IGSF11: variants seen among roughly 807,000 people sequenced by gnomAD.
IGSF11 encodes immunoglobulin superfamily member 11, also known as CXADR like 1.
Under a neutral mutation model 41.0 loss-of-function variants are expected in IGSF11, and 22 were observed. That is an observed-to-expected ratio of 0.54 (90% CI 0.38 to 0.77). The LOEUF is 0.77. IGSF11 is among the 30% of genes least tolerant of loss of function. The pLI, the probability that IGSF11 is intolerant of heterozygous loss-of-function variation, is 0.00. For synonymous variants in IGSF11, 219 were observed against 201.3 expected, an observed-to-expected ratio of 1.09 and a Z score of -0.74; for missense variants, 444 against 530.8, an observed-to-expected ratio of 0.84 and a Z score of 1.61.
intron 1 of IGSF11, among the ~76,000 whole-genome samples, chr3:119,045,052 C>T (rs1941268272): frequency 6.6e-6 from 1 of 152,172 alleles, no homozygotes; most frequent in South Asian, 2.1e-4. Flanking sequence ...CCTCACATCT[C>T]AATACTAACA....
At chr3:119,029,925 C>G (rs945749404) in intron 1 of IGSF11, among the ~76,000 whole-genome samples, 16 of 152,074 alleles carry the variant, frequency 1.1e-4, no homozygotes, top group African/African-American at 3.9e-4. Context: ...CTTTCCAATC[C>G]CACAAATCTA....
At chr3:118,924,433 A>G (rs1020335836) in intron 4 of IGSF11, among the ~76,000 whole-genome samples, 1 of 152,174 alleles carries the variant, frequency 6.6e-6, no homozygotes, top group African/African-American at 2.4e-5. Context: ...GATCAACTTT[A>G]TTAATATGGG....
At chr3:119,132,491 A>C (rs1255931852) in intron 1 of IGSF11, among the ~76,000 whole-genome samples, 2 of 151,896 alleles carry the variant, frequency 1.3e-5, no homozygotes, top group Non-Finnish European at 2.9e-5. Context: ...ATTGCGTAAT[A>C]TTAAAGGGAT....
intron 1 of IGSF11, among the ~76,000 whole-genome samples, chr3:119,074,828 G>A (rs957467514): frequency 6.6e-6 from 1 of 151,970 alleles, no homozygotes; most frequent in Non-Finnish European, 1.5e-5. Context: ...CTCCAGCCTG[G>A]GCGACAGAGC....
intron 1 of IGSF11, among the ~76,000 whole-genome samples, chr3:118,967,716 T>C (rs1945782541): frequency 6.6e-6 from 1 of 152,198 alleles, no homozygotes; most frequent in Non-Finnish European, 1.5e-5. Flanking sequence ...ACCCTGTGCC[T>C]TTTCTTCTCT....
chr3:118,963,184 T>C (rs1433951619), intron 1 of IGSF11, among the ~76,000 whole-genome samples: 2 of 152,208 alleles, frequency 1.3e-5, no homozygotes, highest in African/African-American at 4.8e-5. Flanking sequence ...CTACTTCAGA[T>C]ACTCAAATCA....
At chr3:119,072,582 C>G (rs1371460144) in intron 1 of IGSF11, among the ~76,000 whole-genome samples, 4 of 152,168 alleles carry the variant, frequency 2.6e-5, no homozygotes, top group Non-Finnish European at 5.9e-5. Context: ...GTCTCGCTGG[C>G]TTCAGGAGTG....
intron 1 of IGSF11, among the ~76,000 whole-genome samples, chr3:119,084,711 T>C (rs996335698): frequency 1.3e-5 from 2 of 152,238 alleles, no homozygotes; most frequent in Non-Finnish European, 2.9e-5. Context: ...GTGCAGGCTC[T>C]ACTGCCCAAC....
At chr3:119,029,339 T>C (rs1328187083) in intron 1 of IGSF11, among the ~76,000 whole-genome samples, 1 of 151,800 alleles carries the variant, frequency 6.6e-6, no homozygotes, top group Non-Finnish European at 1.5e-5. Context: ...GGGAATTTTA[T>C]TATACAGTTA....
intron 1 of IGSF11, among the ~76,000 whole-genome samples, chr3:119,118,014 AG>A (rs1434708288): frequency 6.6e-6 from 1 of 152,184 alleles, no homozygotes; most frequent in African/African-American, 2.4e-5. Flanking sequence ...GTGGCTTTCC[AG>A]GGTATAGCTT....
chr3:118,961,726 C>G (rs1256631354), intron 1 of IGSF11, among the ~76,000 whole-genome samples: 2 of 152,120 alleles, frequency 1.3e-5, no homozygotes, highest in Non-Finnish European at 1.5e-5. Flanking sequence ...TGTTTGCAAT[C>G]AACTTAAAAA....
intron 1 of IGSF11, among the ~76,000 whole-genome samples, chr3:119,128,345 G>A (rs188428518): frequency 1.6e-4 from 23 of 146,880 alleles, no homozygotes; most frequent in Admixed American, 1.5e-3. Context: ...GTGAGAGTGA[G>A]AAAGAAAGAA....
rs146151227 is a variant in IGSF11, at chr3:118,980,723, G to C, written c.53-50448C>G. Among the ~76,000 whole-genome samples the C allele has an allele frequency of 2.2e-3, 335 of 152,190 alleles. 1 individual carries two copies. The highest frequency in any genetic ancestry group is 7.6e-3 in the African/African-American group (314 of 41,536). On this transcript the variant is annotated intron_variant, in intron 1 of 6. Coordinates refer to ENST00000393775, the MANE Select transcript of IGSF11 (RefSeq NM_001015887.3). ...CAGAAATGATAAATACTTGGATGAC[G>C]GATACCCTAAATATCCTGACTTAAT... is the stretch of plus-strand genomic sequence containing the variant.
At chr3:118,967,178 A>C (rs1291118649) in intron 1 of IGSF11, among the ~76,000 whole-genome samples, 1 of 152,074 alleles carries the variant, frequency 6.6e-6, no homozygotes, top group Non-Finnish European at 1.5e-5. Flanking sequence ...AAACCAAAAG[A>C]CTATCTACCC....
At chr3:119,036,965 GA>G (rs1026456066), upstream of IGSF11, among the ~76,000 whole-genome samples, 2 of 152,190 alleles carry the variant, frequency 1.3e-5, no homozygotes, top group Admixed American at 6.5e-5. Context: ...TGAGAAGCAT[GA>G]GGGCAGATGG....
chr3:119,056,144 A>C (rs1338653448), intron 1 of IGSF11, among the ~76,000 whole-genome samples: 1 of 151,680 alleles, frequency 6.6e-6, no homozygotes, highest in African/African-American at 2.4e-5. Context: ...AAGGAAATAG[A>C]GACAAAAAAA....
In IGSF11 at chr3:119,131,592, G is replaced by T. The variant is rs149362307; in HGVS notation, c.-14+14221C>A. Among the ~76,000 whole-genome samples, 247 of 152,336 alleles carry T rather than the reference G, an allele frequency of 1.6e-3. 2 individuals carry two copies. The highest frequency in any genetic ancestry group is 5.7e-3 in the African/African-American group (235 of 41,590). On this transcript the variant is annotated intron_variant, in intron 1 of 7. Transcript: ENST00000425327. ...ACGTTTGACTGGTGGACCTGAAAGTGATGGGGAGAATGGAACCAAGTCAGA... is the reference window on the plus strand; with the variant it reads ...ACGTTTGACTGGTGGACCTGAAAGTTATGGGGAGAATGGAACCAAGTCAGA...
At chr3:119,069,829 T>A (rs2076367239) in intron 1 of IGSF11, among the ~76,000 whole-genome samples, 1 of 152,144 alleles carries the variant, frequency 6.6e-6, no homozygotes, top group African/African-American at 2.4e-5. Context: ...AGGAGAAAAT[T>A]TTTTACTTCT....
intron 1 of IGSF11, among the ~76,000 whole-genome samples, chr3:119,054,804 G>C (rs1341640995): frequency 1.3e-5 from 2 of 152,160 alleles, no homozygotes; most frequent in Non-Finnish European, 2.9e-5. Flanking sequence ...CCAATGAGTG[G>C]ATAAAGAAAA....
Sources: allele counts gnomAD v4.1 joint callset (sites outside exome capture counted in the v4.1 genomes callset), GRCh38; gene constraint gnomAD v4.1.1; transcripts MANE v1.5; gene names NCBI Gene and HGNC (gene_info 2026-07-23, HGNC 2026-07-21).